PCDH8: variants seen among roughly 807,000 people sequenced by gnomAD.
PCDH8 encodes the protein protocadherin 8.
A neutral mutation model predicts 58.2 loss-of-function variants in PCDH8; 36 were observed. The ratio of observed to expected loss-of-function variants is 0.62; its 90% CI spans 0.47 to 0.82. PCDH8 has a LOEUF of 0.82. Ranked by LOEUF, PCDH8 falls within the 40% of genes least tolerant of loss-of-function variation. PCDH8 has a pLI of 0.00. For missense variants in PCDH8, 1,493 were observed against 1,567.8 expected (o/e 0.95, Z 0.81); for synonymous variants, 775 against 728.9 (o/e 1.06, Z -1.02).
At position 52,843,342 on chromosome 13, in the gene PCDH8, T is replaced by C. The variant is rs1000663322; in HGVS notation, c.*1218A>G. On this transcript the variant is annotated 3_prime_UTR_variant, in exon 3 of 3. Transcript: ENST00000377942. ...TCAATATCTTATCAAATCGATCTTG[T>C]TTCACATAGCTCCCTGTGTTTTTTT... 3.3e-5 allele frequency: 5 copies of C among 152,328 alleles called. No homozygotes were observed. Among genetic ancestry groups the C allele is most frequent in the African/African-American group, 1.2e-4 (5 of 41,574 alleles). The allele number at this position is 152,328 out of a possible 1,614,324, so 9.4% of individuals were successfully genotyped here.
chr13:52,846,311 A>G lies in PCDH8; in HGVS notation c.2126T>C (p.Val709Ala), dbSNP rs1311484642. Residue 709 changes from valine (V) to alanine (A), a missense_variant, in exon 1 of 3, where the codon GTG becomes GCG. Coordinates refer to ENST00000377942, the MANE Select transcript of PCDH8 (RefSeq NM_002590.4). ...PLTTTATVSFVVTAGGGRGPA... is the reference protein window; with the variant it reads ...PLTTTATVSFAVTAGGGRGPA... ...CCCACGCCCGCCCCCTGCTGTTACC[A>G]CGAAGCTGACAGTTGCGGTGGTGGT... The G allele has an allele frequency of 6.4e-7, 1 of 1,571,290 alleles. No individual in the cohort carries two copies.
chr13:52,844,511 G>A lies in PCDH8; in HGVS notation c.*49C>T. 6.8e-7 allele frequency: 1 copy of A among 1,477,072 alleles called. No homozygotes were observed. The highest frequency in any genetic ancestry group is 9.1e-7 in the Non-Finnish European group (1 of 1,103,176). 91.5% of individuals were successfully genotyped at this position (1,477,072 alleles called of 1,614,324 possible). A position where few individuals can be genotyped will look rare whatever the true frequency, so the allele number is the denominator to read the frequency against. ...AACACTGAAACCGGTCAATAACTTAGGGGCTTCTCGGAGTGACCTGTATAT... is the reference window on the plus strand; with the variant it reads ...AACACTGAAACCGGTCAATAACTTAAGGGCTTCTCGGAGTGACCTGTATAT... On this transcript the variant is annotated 3_prime_UTR_variant, in exon 3 of 3. Coordinates refer to ENST00000377942, the MANE Select transcript of PCDH8 (RefSeq NM_002590.4).
In PCDH8 at chr13:52,848,629, C is replaced by T. The variant is rs1193852039; in HGVS notation, c.-193G>A. 8 of 1,136,012 alleles carry T rather than the reference C, an allele frequency of 7.0e-6. No individual in the cohort carries two copies. In the Admixed American group the frequency reaches 2.0e-4, roughly 29 times the overall value. 70.4% of individuals were successfully genotyped at this position (1,136,012 alleles called of 1,614,324 possible). On this transcript the variant is annotated 5_prime_UTR_variant, in exon 1 of 3. Transcript: ENST00000377942. ...GCCCTCACTCTGCGCCTCTCCGTCTCTTACAGAAGCTGCGCCGCCTCGCGC... is the reference window on the plus strand; with the variant it reads ...GCCCTCACTCTGCGCCTCTCCGTCTTTTACAGAAGCTGCGCCGCCTCGCGC...
rs1378186863 is a variant in PCDH8 at position 52,847,810 on chromosome 13, G to A, written c.627C>T (p.Ala209=). ...LLQELDRESQ[A]AYSLELVAQD... ...GGGCCACCAGCTCCAGGCTGTAGGC[G>A]GCCTGGCTCTCGCGGTCCAGCTCCT... Residue 209 remains alanine, a synonymous_variant, in exon 1 of 3, where the codon GCC becomes GCT. Coordinates refer to ENST00000377942, the MANE Select transcript of PCDH8 (RefSeq NM_002590.4). 2 of 1,484,832 alleles carry A rather than the reference G, an allele frequency of 1.3e-6. No individual in the cohort carries two copies. Among genetic ancestry groups the A allele is most frequent in the Non-Finnish European group, 8.9e-7 (1 of 1,125,372 alleles). 92.0% of individuals were successfully genotyped at this position (1,484,832 alleles called of 1,614,324 possible).
Position 52,847,176 on chromosome 13 carries a change from A to G in PCDH8, c.1261T>C (p.Ser421Pro). The G allele has an allele frequency of 6.7e-7, 1 of 1,488,406 alleles. No homozygotes were observed. The highest frequency in any genetic ancestry group is 8.9e-7 in the Non-Finnish European group (1 of 1,127,410). 92.2% of individuals were successfully genotyped at this position (1,488,406 alleles called of 1,614,324 possible). The change falls in exon 1 of 3, where the codon TCG (serine) becomes CCG (proline). Residue 421 changes from serine to proline, a missense_variant. Coordinates refer to ENST00000377942, the MANE Select transcript of PCDH8 (RefSeq NM_002590.4). ...VALVSTSDRD[S>P]GANGQVRCAL... ...CAGCGCACTTGCCCGTTGGCGCCCG[A>G]GTCCCTGTCCGAGGTGCTGACCAGG...
chr13:52,848,102 G>A lies in PCDH8; in HGVS notation c.335C>T (p.Ser112Leu). ...GTGCACCAGCCGGAACTGCTCCTGC[G>A]AGAAGCTGACCACATCGAAGGCCAG... ...CVLAFDVVSFSQEQFRLVHVE... is the reference protein window; with the variant it reads ...CVLAFDVVSFLQEQFRLVHVE... The change falls in exon 1 of 3, where the codon TCG (serine) becomes TTG (leucine). Residue 112 changes from serine (S) to leucine (L), a missense_variant. Coordinates refer to ENST00000377942, the MANE Select transcript of PCDH8 (RefSeq NM_002590.4). 1 of 1,612,840 alleles carries A rather than the reference G, an allele frequency of 6.2e-7. No homozygotes were observed. The highest frequency in any genetic ancestry group is 8.5e-7 in the Non-Finnish European group (1 of 1,179,812).
In PCDH8 at chr13:52,846,321, C is replaced by T; in HGVS notation, c.2116G>A (p.Val706Ile). 6.4e-7 allele frequency: 1 copy of T among 1,570,156 alleles called. No individual in the cohort carries two copies. Among genetic ancestry groups the T allele is most frequent in the Non-Finnish European group, 8.6e-7 (1 of 1,159,722 alleles). The stretch of plus-strand genomic sequence containing the variant: ...CCCCCTGCTGTTACCACGAAGCTGA[C>T]AGTTGCGGTGGTGGTGAGCGGGGGA... ...GRPPLTTTAT[V>I]SFVVTAGGGR... The change falls in exon 1 of 3, where the codon GTC (valine) becomes ATC (isoleucine). Residue 706 changes from valine (V) to isoleucine (I), a missense_variant. Val to Ile is a conservative substitution (Grantham distance 29). This residue lies in a region of PCDH8 where 1,307 missense variants were observed against 1,362.7 expected (regional missense o/e 0.96). Coordinates refer to ENST00000377942, the MANE Select transcript of PCDH8 (RefSeq NM_002590.4).
chr13:52,846,659 G>A lies in PCDH8; in HGVS notation c.1778C>T (p.Ala593Val), dbSNP rs373430745. The A allele has an allele frequency of 3.7e-6, 6 of 1,602,994 alleles. No homozygotes were observed. The African/African-American group carries it at 6.7e-5, about 18-fold the overall frequency. ...DGGSPQLSSSALVQVRVLDQN... is the reference protein window; with the variant it reads ...DGGSPQLSSSVLVQVRVLDQN... ...GTCCAGCACGCGCACTTGCACTAGG[G>A]CGCTGCTGGAAAGCTGAGGGGAGCC... The change falls in exon 1 of 3, where the codon GCC (alanine) becomes GTC (valine). Residue 593 changes from alanine to valine, a missense_variant. Ala to Val is a moderately conservative substitution (Grantham distance 64). Around this residue, in one of 3 missense-constraint regions of PCDH8, gnomAD observed 1,307 missense variants for 1,362.7 expected, o/e 0.96. Transcript: ENST00000377942.
Position 52,847,240 on chromosome 13 carries a change from C to A in PCDH8, c.1197G>T (p.Ser399=), listed in dbSNP as rs764902324. The A allele has an allele frequency of 2.6e-5, 36 of 1,389,578 alleles. No homozygotes were observed. Among genetic ancestry groups the A allele is most frequent in the Non-Finnish European group, 3.2e-5 (34 of 1,078,886 alleles). 86.1% of individuals were successfully genotyped at this position (1,389,578 alleles called of 1,614,324 possible). A position where few individuals can be genotyped will look rare whatever the true frequency, so the allele number is the denominator to read the frequency against. Residue 399 remains serine (S), a synonymous_variant, in exon 1 of 3, where the codon TCG becomes TCT. Coordinates refer to ENST00000377942, the MANE Select transcript of PCDH8 (RefSeq NM_002590.4). ...CGCGCGCCGCCCCCTCCGGCACCAG[C>A]GAAGTGGCACCAGCCTCCGGCGTCC... ...GAGTPEAGAT[S]LVPEGAARES...
In PCDH8 at chr13:52,848,196, C is replaced by T; in HGVS notation, c.241G>A (p.Gly81Arg). 2 of 1,612,760 alleles carry T rather than the reference C, an allele frequency of 1.2e-6. No individual in the cohort carries two copies. Among genetic ancestry groups the T allele is most frequent in the Non-Finnish European group, 8.5e-7 (1 of 1,179,626 alleles). The change falls in exon 1 of 3, where the codon GGG (glycine) becomes AGG (arginine). Residue 81 changes from glycine (G) to arginine (R), a missense_variant. Gly to Arg is a moderately radical substitution (Grantham distance 125). Transcript: ENST00000377942. Reference sequence around the variant, plus strand: ...CCGGCGTCCCCGACGGTCAGCTGCCCGTCGCCTTCGCGCACCCGGAGCAGA... The same window carrying T: ...CCGGCGTCCCCGACGGTCAGCTGCCTGTCGCCTTCGCGCACCCGGAGCAGA... ...SSLLRVREGD[G>R]QLTVGDAGLD...
At position 52,848,273 on chromosome 13, in the gene PCDH8, A is replaced by T; in HGVS notation, c.164T>A (p.Met55Lys). The change falls in exon 1 of 3, where the codon ATG (methionine) becomes AAG (lysine). Residue 55 changes from methionine to lysine, a missense_variant. This residue lies in a region of PCDH8 where 1,307 missense variants were observed against 1,362.7 expected (regional missense o/e 0.96). Transcript: ENST00000377942. ...VIGTLAEDLH[M>K]KVSGDTSFRL... ...GAAGCTTGTGTCACCCGATACTTTC[A>T]TATGCAGGTCCTCGGCCAGGGTCCC... 1 of 1,613,650 alleles carries T rather than the reference A, an allele frequency of 6.2e-7. No homozygotes were observed. Among genetic ancestry groups the T allele is most frequent in the Non-Finnish European group, 8.5e-7 (1 of 1,180,006 alleles).
At position 52,847,825 on chromosome 13, in the gene PCDH8, G is replaced by A. The variant is rs1965767889; in HGVS notation, c.612C>T (p.Asp204=). 6.7e-7 allele frequency: 1 copy of A among 1,493,958 alleles called. No individual in the cohort carries two copies. Among genetic ancestry groups the A allele is most frequent in the African/African-American group, 1.4e-5 (1 of 71,316 alleles). 92.5% of individuals were successfully genotyped at this position (1,493,958 alleles called of 1,614,324 possible). A position where few individuals can be genotyped will look rare whatever the true frequency, so the allele number is the denominator to read the frequency against. ...CADLVLLQEL[D]RESQAAYSLE... is the part of the protein sequence containing the mutation. The stretch of plus-strand genomic sequence containing the variant: ...GGCTGTAGGCGGCCTGGCTCTCGCG[G>A]TCCAGCTCCTGCAGCAGCACCAGGT... The change falls in exon 1 of 3, where the codon GAC becomes GAT. Residue 204 remains aspartate (D), a synonymous_variant. Transcript: ENST00000377942.
rs1260161006 is a variant in PCDH8, at chr13:52,846,463, C to T, written c.1974G>A (p.Pro658=). The change falls in exon 1 of 3, where the codon CCG becomes CCA. Residue 658 remains proline, a synonymous_variant. Coordinates refer to ENST00000377942, the MANE Select transcript of PCDH8 (RefSeq NM_002590.4). ...GGCGGCCGATGGCGAAGGCTTCGCG[C>T]GGCTCCTGCTGCTGCAGCTCGAACG... is the stretch of plus-strand genomic sequence containing the variant. ...ELAFELQQQE[P]REAFAIGRRT... is the part of the protein sequence containing the mutation. The T allele has an allele frequency of 2.5e-6, 4 of 1,598,916 alleles. No individual in the cohort carries two copies. The highest frequency in any genetic ancestry group is 3.4e-6 in the Non-Finnish European group (4 of 1,179,420).
At position 52,845,908 on chromosome 13, in the gene PCDH8, C is replaced by G; in HGVS notation, c.2529G>C (p.Ala843=). Residue 843 remains alanine (A), a synonymous_variant, in exon 1 of 3, where the codon GCG becomes GCC. Transcript: ENST00000377942. The part of the protein sequence containing the change: ...GSPAADAPPP[A]VAAAEVPGSE... ...AGCCCGGCACTTCGGCCGCGGCGAC[C>G]GCAGGCGGAGGCGCGTCCGCCGCGG... 2 of 1,477,940 alleles carry G rather than the reference C, an allele frequency of 1.4e-6. No homozygotes were observed. The highest frequency in any genetic ancestry group is 1.8e-6 in the Non-Finnish European group (2 of 1,126,570). 91.6% of individuals were successfully genotyped at this position (1,477,940 alleles called of 1,614,324 possible).
At position 52,845,546 on chromosome 13, in the gene PCDH8, G is replaced by T; in HGVS notation, c.2718C>A (p.Gly906=). The stretch of plus-strand genomic sequence containing the variant: ...TGCCGCTGAACTTCTCTGCTTCTCT[G>T]CCAGAAATGGTGTTGAAGGAGTGTC... ...WKGHSFNTIS[G]REAEKFSGKD... The change falls in exon 2 of 3, where the codon GGC becomes GGA. Residue 906 remains glycine (G), a synonymous_variant. Coordinates refer to ENST00000377942, the MANE Select transcript of PCDH8 (RefSeq NM_002590.4). The T allele has an allele frequency of 6.2e-7, 1 of 1,614,168 alleles. No homozygotes were observed. The highest frequency in any genetic ancestry group is 8.5e-7 in the Non-Finnish European group (1 of 1,180,024).
At position 52,844,666 on chromosome 13, in the gene PCDH8, G is replaced by T. The variant is rs201213765; in HGVS notation, c.3107C>A (p.Pro1036His). The T allele has an allele frequency of 7.4e-6, 12 of 1,614,108 alleles. No individual in the cohort carries two copies. The highest frequency in any genetic ancestry group is 1.0e-5 in the Non-Finnish European group (12 of 1,179,996). The part of the protein sequence containing the change: ...YDRTVTLLSP[P>H]RPGRLPDLQE... Reference sequence around the variant, plus strand: ...CAGGTCTGGGAGCCTCCCTGGACGGGGAGGGGAGAGCAGAGTGACTGTCCT... The same window carrying T: ...CAGGTCTGGGAGCCTCCCTGGACGGTGAGGGGAGAGCAGAGTGACTGTCCT... The change falls in exon 3 of 3, where the codon CCC (proline) becomes CAC (histidine). Residue 1036 changes from proline (P) to histidine (H), a missense_variant. Coordinates refer to ENST00000377942, the MANE Select transcript of PCDH8 (RefSeq NM_002590.4).
rs1421813265 is a variant in PCDH8 at position 52,847,508 on chromosome 13, C to A, written c.929G>T (p.Gly310Val). 2 of 1,586,820 alleles carry A rather than the reference C, an allele frequency of 1.3e-6. No homozygotes were observed. The highest frequency in any genetic ancestry group is 1.7e-5 in the Admixed American group (1 of 58,130). ...GTCCTGACGCTCGTAGTCCACGGGC[C>A]CGGCCAGGGTGAGGCGGCCTGATCG... ...DPRSGRLTLA[G>V]PVDYERQDTY... The change falls in exon 1 of 3, where the codon GGG becomes GTG. Residue 310 changes from glycine to valine, a missense_variant. Transcript: ENST00000377942.
Position 52,846,922 on chromosome 13 carries a change from C to T in PCDH8, c.1515G>A (p.Ser505=), listed in dbSNP as rs761213188. 6 of 1,591,300 alleles carry T rather than the reference C, an allele frequency of 3.8e-6. No individual in the cohort carries two copies. In the South Asian group the frequency reaches 6.8e-5, roughly 18 times the overall value. ...CGCCTGGCGGGTTGTTCTCGCGCAC[C>T]GACACCTCATAGACCGGCCGCGTGA... The part of the protein sequence containing the change: ...PLFTRPVYEV[S]VRENNPPGAY... The change falls in exon 1 of 3, where the codon TCG becomes TCA. Residue 505 remains serine (S), a synonymous_variant. Transcript: ENST00000377942.
At position 52,845,815 on chromosome 13, in the gene PCDH8, CG is replaced by C; in HGVS notation, c.2621del (p.Ala874GlyfsTer63). 6.6e-7 allele frequency: 1 copy of C among 1,503,808 alleles called. No homozygotes were observed. Among genetic ancestry groups the C allele is most frequent in the Non-Finnish European group, 8.8e-7 (1 of 1,134,578 alleles). The allele number at this position is 1,503,808 out of a possible 1,614,324, so 93.2% of individuals were successfully genotyped here. A position where few individuals can be genotyped will look rare whatever the true frequency, so the allele number is the denominator to read the frequency against. On this transcript the variant is annotated frameshift_variant, in exon 1 of 3. Transcript: ENST00000377942. LOFTEE classifies it high-confidence loss of function. ...CGAAGGAAGGCCTCACCTCGGCGTGCGCGCCGCGGAGCCGCTGCTGCCCCTC... is the reference window on the plus strand; with the variant it reads ...CGAAGGAAGGCCTCACCTCGGCGTGCCGCCGCGGAGCCGCTGCTGCCCCTC... ...HFEGQQRLRG[A>X]HAEPYGASPG...
Sources: gnomAD v4.1 joint callset for allele counts on GRCh38, gnomAD v4.1.1 for gene constraint, gnomAD v4.1.1 regional missense constraint, MANE v1.5 for transcripts, NCBI Gene and HGNC (gene_info 2026-07-23, HGNC 2026-07-21) for gene names.